The following CPXM2 variants were observed in gnomAD, a reference collection of about 807,000 sequenced individuals.
CPXM2 encodes the protein inactive carboxypeptidase-like protein X2.
CPXM2 carries 66 observed loss-of-function variants against 86.1 expected under a neutral mutation model. The ratio of observed to expected loss-of-function variants is 0.77; its 90% CI spans 0.63 to 0.94. CPXM2 has a LOEUF of 0.94. CPXM2 is among the 40% of genes least tolerant of loss of function. The pLI, the probability that CPXM2 is intolerant of heterozygous loss-of-function variation, is 0.00. For synonymous variants in CPXM2, 388 were observed against 400.2 expected (o/e 0.97, Z 0.36); for missense variants, 948 against 1,026.3 (o/e 0.92, Z 1.04).
At chr10:123,804,167 C>T (rs11248284) in intron 4 of CPXM2, among the ~76,000 whole-genome samples, 16,915 of 152,148 alleles carry the variant, frequency 0.11, 1,211 homozygotes, top group African/African-American at 0.21. Flanking sequence ...ATAATACATC[C>T]TTATATCTGA....
chr10:123,749,206 TG>T (rs1328427478), intron 13 of CPXM2, among the ~76,000 whole-genome samples: 1 of 151,774 alleles, frequency 6.6e-6, no homozygotes, highest in Admixed American at 6.6e-5. Flanking sequence ...CGCTGGACGT[TG>T]GAGGCCCCTG....
chr10:123,848,295 A>G (rs1208056850), intron 3 of CPXM2, among the ~76,000 whole-genome samples: 1 of 152,186 alleles, frequency 6.6e-6, no homozygotes, highest in African/African-American at 2.4e-5. Context: ...TCCAGGTGCA[A>G]TCTGCTGATC....
rs111435023 is a variant in CPXM2, at chr10:123,913,711, G to A, written n.174+25766C>T. On this transcript the variant is annotated intron_variant and non_coding_transcript_variant, in intron 2 of 19. Coordinates refer to the CPXM2 transcript ENST00000368854. ...GGAGAGGAAGGAAAGACGAGGGGTGGGGAGCGAGAAAAAGAGAAGAGGAAG... is the reference window on the plus strand; with the variant it reads ...GGAGAGGAAGGAAAGACGAGGGGTGAGGAGCGAGAAAAAGAGAAGAGGAAG... 1,934 of 216,836 alleles carry A rather than the reference G, an allele frequency of 8.9e-3. 16 individuals are homozygous for A. Among genetic ancestry groups the A allele is most frequent in the Non-Finnish European group, 0.015 (1,586 of 105,948 alleles). The allele number at this position is 216,836 out of a possible 1,614,324, so 13.4% of individuals were successfully genotyped here. A position where few individuals can be genotyped will look rare whatever the true frequency, so the allele number is the denominator to read the frequency against.
intron 3 of CPXM2, among the ~76,000 whole-genome samples, chr10:123,858,029 C>T (rs1016674691): frequency 3.3e-5 from 5 of 152,232 alleles, no homozygotes; most frequent in African/African-American, 9.6e-5. Flanking sequence ...CATATTCACC[C>T]GTGACAGTGC....
chr10:123,863,510 G>A (rs1848904981), intron 2 of CPXM2, among the ~76,000 whole-genome samples: 1 of 152,200 alleles, frequency 6.6e-6, no homozygotes. Flanking sequence ...TCCTTCCCCA[G>A]GGTTTGCCCT....
chr10:123,778,781 T>C (rs1846864359), intron 7 of CPXM2, among the ~76,000 whole-genome samples: 1 of 152,144 alleles, frequency 6.6e-6, no homozygotes, highest in Admixed American at 6.5e-5. Context: ...CAGTGCTCCA[T>C]AAAATGGAAT....
chr10:123,811,938 A>T (rs1847703994), intron 4 of CPXM2, among the ~76,000 whole-genome samples: 1 of 152,220 alleles, frequency 6.6e-6, no homozygotes, highest in Non-Finnish European at 1.5e-5. Flanking sequence ...AGCAATGCCA[A>T]ATGTTGGTAA....
At chr10:123,850,360 A>T (rs1848574964) in intron 3 of CPXM2, among the ~76,000 whole-genome samples, 3 of 152,188 alleles carry the variant, frequency 2.0e-5, no homozygotes, top group African/African-American at 7.2e-5. Context: ...TTCTCTTTCC[A>T]TGGTTTCAGT....
At position 123,842,546 on chromosome 10, in the gene CPXM2, C is replaced by T. The variant is rs902988613; in HGVS notation, c.514-58G>A. On this transcript the variant is annotated intron_variant, in intron 3 of 13. Transcript: ENST00000241305. ...GACTCTTAATTGAAGAAAATTAAGA[C>T]ATATCTTTTCCTGAGGCTGAGAGGA... The T allele has an allele frequency of 7.1e-6, 11 of 1,548,786 alleles. No individual in the cohort carries two copies. In the South Asian group the frequency reaches 8.1e-5, roughly 11 times the overall value.
chr10:123,823,360 A>G (rs1590038790), intron 4 of CPXM2, among the ~76,000 whole-genome samples: 1 of 152,192 alleles, frequency 6.6e-6, no homozygotes, highest in Non-Finnish European at 1.5e-5. Context: ...AAAATGAAAA[A>G]GTGGATTGCT....
chr10:123,916,778 CTTTTTT>C (rs71474791), intron 2 of CPXM2, among the ~76,000 whole-genome samples: 1 of 146,210 alleles, frequency 6.8e-6, no homozygotes, highest in Non-Finnish European at 1.5e-5. Flanking sequence ...CTCTCTCTCT[CTTTTTT>C]TTTTTTCTTT....
chr10:123,924,394 G>A (rs896859130), intron 2 of CPXM2, among the ~76,000 whole-genome samples: 5 of 152,152 alleles, frequency 3.3e-5, no homozygotes, highest in Admixed American at 6.5e-5. Context: ...TGGTTCTAAC[G>A]GCTTGCAGAA....
chr10:123,776,114 G>A (rs1351833804), intron 7 of CPXM2, among the ~76,000 whole-genome samples: 1 of 152,098 alleles, frequency 6.6e-6, no homozygotes, highest in African/African-American at 2.4e-5. Flanking sequence ...GAAAACTGTG[G>A]CTAAAAAAGT....
At chr10:123,807,174 C>T (rs544281267) in intron 4 of CPXM2, among the ~76,000 whole-genome samples, 1 of 152,292 alleles carries the variant, frequency 6.6e-6, no homozygotes, top group South Asian at 2.1e-4. Flanking sequence ...GCCATACCAA[C>T]ATACAGGATT....
chr10:123,842,509 G>T, intron 3 of CPXM2, 21 bp from the exon 4 acceptor site: 1 of 1,611,014 alleles, frequency 6.2e-7, no homozygotes. Context: ...AGAAAGCGGT[G>T]TTCTTCAAAA....
chr10:123,877,396 C>T (rs1234167725), intron 2 of CPXM2, among the ~76,000 whole-genome samples: 1 of 152,182 alleles, frequency 6.6e-6, no homozygotes, highest in East Asian at 1.9e-4. Context: ...GCACACAATT[C>T]GCATTTACTT....
At chr10:123,819,142 G>A (rs939671236) in intron 4 of CPXM2, among the ~76,000 whole-genome samples, 3 of 152,190 alleles carry the variant, frequency 2.0e-5, no homozygotes, top group Non-Finnish European at 4.4e-5. Context: ...GTTGGCTGGG[G>A]TGATTGACCC....
chr10:123,751,876 G>T (rs1405451475), intron 13 of CPXM2: 4 of 985,154 alleles, frequency 4.1e-6, no homozygotes, highest in Non-Finnish European at 4.8e-6. Flanking sequence ...GGAAAATCAA[G>T]GGAGGGAGAT....
chr10:123,939,852 A>G (rs1371450375), intron 1 of CPXM2, among the ~76,000 whole-genome samples: 1 of 152,180 alleles, frequency 6.6e-6, no homozygotes, highest in Non-Finnish European at 1.5e-5. Context: ...AGCCAGGCCC[A>G]AGTGCAGGAA....
Sources: gnomAD v4.1 joint callset for allele counts (sites outside exome capture counted in the v4.1 genomes callset) on GRCh38, gnomAD v4.1.1 for gene constraint, MANE v1.5 for transcripts, NCBI Gene and HGNC (gene_info 2026-07-23, HGNC 2026-07-21) for gene names.